Variants in SORD observed in about 807,000 individuals in gnomAD.
SORD encodes (R,R)-butanediol dehydrogenase.
In SORD, 18 loss-of-function variants were observed where a neutral mutation model predicts 35.6. The ratio of observed to expected loss-of-function variants is 0.51; its 90% CI spans 0.35 to 0.75. The LOEUF (loss-of-function observed/expected upper bound fraction) is 0.75. Ranked by LOEUF, SORD falls within the 30% of genes least tolerant of loss-of-function variation. The probability of loss-of-function intolerance (pLI) is 0.01; values close to 1 mark genes in which losing one functional copy is unlikely to be tolerated. For missense variants in SORD, 250 were observed against 390.2 expected, an observed-to-expected ratio of 0.64 and a Z score of 3.03; for synonymous variants, 106 against 152.9, an observed-to-expected ratio of 0.69 and a Z score of 2.26.
At chr15:45,053,336 C>G (rs1311281862) in intron 3 of SORD, among the ~76,000 whole-genome samples, 1 of 152,202 alleles carries the variant, frequency 6.6e-6, no homozygotes, top group African/African-American at 2.4e-5. Context: ...CTTCCAAAGA[C>G]AGCTTTTGAT....
intron 4 of SORD, among the ~76,000 whole-genome samples, chr15:45,063,508 C>T (rs1215850059): frequency 1.3e-5 from 2 of 151,980 alleles, no homozygotes; most frequent in African/African-American, 2.4e-5. Context: ...GCGGGGCTGG[C>T]CTCCAGGACT....
chr15:45,041,091 C>T (rs1892958490), intron 2 of SORD, among the ~76,000 whole-genome samples: 1 of 152,212 alleles, frequency 6.6e-6, no homozygotes. Context: ...GCCTGTGGGG[C>T]TTAGCTGACA....
chr15:45,047,297 A>G, intron 3 of SORD: 1 of 151,622 alleles, frequency 6.6e-6, no homozygotes, highest in Non-Finnish European at 1.5e-5. Flanking sequence ...AAAAAGACTT[A>G]GGAAAAATTG....
At position 45,061,101 on chromosome 15, in the gene SORD, A is replaced by G; in HGVS notation, c.300A>G (p.Arg100=). 6.2e-7 allele frequency: 1 copy of G among 1,614,162 alleles called. No individual in the cohort carries two copies. The highest frequency in any genetic ancestry group is 8.5e-7 in the Non-Finnish European group (1 of 1,180,022). Residue 100 remains arginine (R), a synonymous_variant, in exon 4 of 9, where the codon CGA becomes CGG. Transcript: ENST00000267814. Reference sequence around the variant, plus strand: ...TTGCCATCGAGCCTGGTGCTCCCCGAGAAAATGATGAATTCTGCAAGATGG... The same window carrying G: ...TTGCCATCGAGCCTGGTGCTCCCCGGGAAAATGATGAATTCTGCAAGATGG... ...DRVAIEPGAP[R]ENDEFCKMGR...
rs1347493270 is a variant in SORD, at chr15:45,074,306, T to C, written c.*776T>C. On this transcript the variant is annotated 3_prime_UTR_variant, in exon 9 of 9. Transcript: ENST00000267814. The stretch of plus-strand genomic sequence containing the variant: ...ACATGCCCCAGCCCACCCCTAAGCA[T>C]GGTCCCTTGTCACCAGGCAACCAGG... 5 of 143,422 alleles carry C rather than the reference T, an allele frequency of 3.5e-5. No homozygotes were observed. Among genetic ancestry groups the C allele is most frequent in the Non-Finnish European group, 7.5e-5 (5 of 66,612 alleles). 8.9% of individuals were successfully genotyped at this position (143,422 alleles called of 1,614,324 possible).
Position 45,065,368 on chromosome 15 carries a change from A to C in SORD, c.523A>C (p.Lys175Gln). Residue 175 changes from lysine (K) to glutamine (Q), a missense_variant, in exon 5 of 9, where the codon AAG becomes CAG. Lys to Gln is a moderately conservative substitution (Grantham distance 53, BLOSUM62 1). Transcript: ENST00000267814. ...CRRGGVTLGH[K>Q]VLVCGAGPIG... ...GAGAGGCGGAGTTACCCTGGGACAC[A>C]AGGTCCTTGTGTGTGGAGCTGGTAA... The C allele has an allele frequency of 6.2e-7, 1 of 1,613,070 alleles. No homozygotes were observed. Among genetic ancestry groups the C allele is most frequent in the Non-Finnish European group, 8.5e-7 (1 of 1,179,536 alleles).
intron 4 of SORD, among the ~76,000 whole-genome samples, chr15:45,063,829 G>C (rs1028617116): frequency 6.6e-6 from 1 of 151,736 alleles, no homozygotes; most frequent in Non-Finnish European, 1.5e-5. Flanking sequence ...CTATTATATA[G>C]AAGGGATACT....
chr15:45,063,099 G>T (rs528456137), intron 4 of SORD, among the ~76,000 whole-genome samples: 10 of 144,506 alleles, frequency 6.9e-5, no homozygotes, highest in African/African-American at 2.6e-4. Context: ...GGCAGTGGGG[G>T]TGCTGAGGAA....
At chr15:45,062,317 C>G (rs145516146) in intron 4 of SORD, among the ~76,000 whole-genome samples, 181 of 152,300 alleles carry the variant, frequency 1.2e-3, no homozygotes, top group African/African-American at 4.0e-3. Context: ...CCGATTCTCA[C>G]CCCTGAAATT....
At chr15:45,049,861 T>A (rs1191085750) in intron 3 of SORD, among the ~76,000 whole-genome samples, 9 of 152,230 alleles carry the variant, frequency 5.9e-5, no homozygotes, top group Non-Finnish European at 1.3e-4. Flanking sequence ...GAGATTAGAA[T>A]TTAATGGACA....
At chr15:45,025,727 G>T (rs1386616190) in intron 1 of SORD, among the ~76,000 whole-genome samples, 2 of 152,084 alleles carry the variant, frequency 1.3e-5, no homozygotes, top group East Asian at 1.9e-4. Context: ...ACTATCAGGG[G>T]TGGAAATGTA....
At chr15:45,060,576 A>G (rs1006092970) in intron 3 of SORD, among the ~76,000 whole-genome samples, 1 of 152,170 alleles carries the variant, frequency 6.6e-6, no homozygotes, top group African/African-American at 2.4e-5. Flanking sequence ...TGGACATAAA[A>G]CATGCTGTAA....
In SORD at chr15:45,061,345, A is replaced by G. The variant is rs376733860; in HGVS notation, c.425+119A>G. On this transcript the variant is annotated intron_variant, in intron 4 of 8. Coordinates refer to ENST00000267814, the MANE Select transcript of SORD (RefSeq NM_003104.6). ...CTCATAATTCCAAACATGAGGCATC[A>G]CCTGGACAGGCTACTCTTCTTGGTG... 966 of 1,084,530 alleles carry G rather than the reference A, an allele frequency of 8.9e-4. 5 individuals carry two copies. Among genetic ancestry groups the G allele is most frequent in the South Asian group, 3.2e-3 (215 of 66,188 alleles). The allele number at this position is 1,084,530 out of a possible 1,614,324, so 67.2% of individuals were successfully genotyped here.
intron 1 of SORD, among the ~76,000 whole-genome samples, chr15:45,027,924 A>G (rs1460832390): frequency 6.6e-6 from 1 of 152,254 alleles, no homozygotes; most frequent in African/African-American, 2.4e-5. Flanking sequence ...GGGAACTTTA[A>G]TACAGGGCTT....
chr15:45,062,912 G>C (rs572830152), intron 4 of SORD, among the ~76,000 whole-genome samples: 1 of 146,306 alleles, frequency 6.8e-6, no homozygotes, highest in African/African-American at 2.7e-5. Flanking sequence ...AATGAGAAAA[G>C]CATATCAAGT....
intron 1 of SORD, among the ~76,000 whole-genome samples, chr15:45,038,375 G>A (rs750766964): frequency 8.5e-5 from 13 of 152,096 alleles, no homozygotes; most frequent in Admixed American, 7.2e-4. Flanking sequence ...GGGTTTTTCC[G>A]AGTATTAAAT....
chr15:45,056,003 G>A (rs1381501577), intron 3 of SORD, among the ~76,000 whole-genome samples: 1 of 150,562 alleles, frequency 6.6e-6, no homozygotes, highest in Non-Finnish European at 1.5e-5. Context: ...AATAATAAGA[G>A]CTATCTATGA....
intron 3 of SORD, among the ~76,000 whole-genome samples, chr15:45,059,418 T>C (rs897873771): frequency 1.3e-5 from 2 of 152,138 alleles, no homozygotes; most frequent in Admixed American, 1.3e-4. Context: ...AACCAGGTTT[T>C]TTCCATCAAT....
intron 7 of SORD, chr15:45,070,295 C>G (rs1253751823): frequency 6.6e-6 from 1 of 152,326 alleles, no homozygotes; most frequent in Non-Finnish European, 1.5e-5. Flanking sequence ...CAGGGGACTC[C>G]TGTCCCTGCC....
Sources: allele counts gnomAD v4.1 joint callset (sites outside exome capture counted in the v4.1 genomes callset), GRCh38; gene constraint gnomAD v4.1.1; transcripts MANE v1.5; gene names NCBI Gene and HGNC (gene_info 2026-07-23, HGNC 2026-07-21).